The following MPHOSPH9 variants were observed in gnomAD, a reference collection of about 807,000 sequenced individuals.
The protein encoded by MPHOSPH9 is M-phase phosphoprotein 9.
MPHOSPH9 carries 88 observed loss-of-function variants against 145.5 expected under a neutral mutation model. That is an observed-to-expected ratio of 0.60 (90% CI 0.51 to 0.72). MPHOSPH9 has a LOEUF of 0.72. MPHOSPH9 is among the 30% of genes least tolerant of loss of function. MPHOSPH9 has a pLI of 0.00. For synonymous variants in MPHOSPH9, 435 were observed against 486.2 expected, an observed-to-expected ratio of 0.89 and a Z score of 1.39; for missense variants, 1,238 against 1,386.6, an observed-to-expected ratio of 0.89 and a Z score of 1.70.
intron 15 of MPHOSPH9, among the ~76,000 whole-genome samples, chr12:123,178,404 CT>C (rs2044977644): frequency 6.6e-6 from 1 of 152,228 alleles, no homozygotes; most frequent in African/African-American, 2.4e-5. Flanking sequence ...CATTTCTGTT[CT>C]TCTCTATGAG....
At chr12:123,226,337 C>T (rs762376742) in intron 3 of MPHOSPH9, 24 of 1,169,814 alleles carry the variant, frequency 2.1e-5, no homozygotes, top group Middle Eastern at 5.4e-4. Context: ...TCTTTCATTT[C>T]GCTTACTCTA....
chr12:123,219,552 C>CAAAAA (rs778997410), intron 5 of MPHOSPH9, among the ~76,000 whole-genome samples: 1 of 49,932 alleles, frequency 2.0e-5, no homozygotes, highest in Non-Finnish European at 4.2e-5. Flanking sequence ...GACTCTGTCT[C>CAAAAA]AAAAAAAAAA....
intron 12 of MPHOSPH9, 129 bp downstream of exon 12, chr12:123,198,118 T>C: frequency 2.8e-6 from 2 of 711,448 alleles, no homozygotes; most frequent in Non-Finnish European, 4.8e-6. Flanking sequence ...TATAGCATTA[T>C]ATGAAGCCAA....
intron 1 of MPHOSPH9, among the ~76,000 whole-genome samples, chr12:123,232,570 G>C (rs927885832): frequency 6.6e-6 from 1 of 152,104 alleles, no homozygotes; most frequent in Non-Finnish European, 1.5e-5. Flanking sequence ...TGGGGGAGAG[G>C]AAGAGATTTC....
intron 1 of MPHOSPH9, among the ~76,000 whole-genome samples, chr12:123,242,662 G>A (rs2047959514): frequency 6.6e-6 from 1 of 152,210 alleles, no homozygotes; most frequent in Admixed American, 6.5e-5. Context: ...AACTCCAGCT[G>A]GGTGGGAGAC....
chr12:123,194,336 A>C (rs748639004), intron 13 of MPHOSPH9, 50 bp downstream of exon 13: 3 of 1,099,038 alleles, frequency 2.7e-6, no homozygotes, highest in Non-Finnish European at 3.9e-6. Context: ...ATAATACCTA[A>C]ATTACTTTTA....
chr12:123,232,320 G>A (rs186458431), intron 1 of MPHOSPH9, among the ~76,000 whole-genome samples: 1 of 152,002 alleles, frequency 6.6e-6, no homozygotes, highest in African/African-American at 2.4e-5. Flanking sequence ...GAGGTGCTGG[G>A]GGGAGGGCAG....
intron 23 of MPHOSPH9, among the ~76,000 whole-genome samples, chr12:123,157,398 A>T (rs2043915425): frequency 6.6e-6 from 1 of 151,108 alleles, no homozygotes; most frequent in Non-Finnish European, 1.5e-5. Flanking sequence ...AAAAAAATAG[A>T]TTTCACAATG....
Position 123,194,481 on chromosome 12 carries a change from T to C in MPHOSPH9, c.2146A>G (p.Arg716Gly). ...KDNTIIRLKS[R>G]LQDLEEAFEN... ...AATGCTTCTTCTAAATCTTGCAGTC[T>C]AGATTTTAGTCGAATGATGGTATTG... The change falls in exon 13 of 24, where the codon AGA (arginine) becomes GGA (glycine). Residue 716 changes from arginine (R) to glycine (G), a missense_variant. Arg to Gly is a moderately radical substitution (Grantham distance 125, BLOSUM62 -2). Transcript: ENST00000606320. 1 of 1,611,072 alleles carries C rather than the reference T, an allele frequency of 6.2e-7. No homozygotes were observed.
Position 123,223,091 on chromosome 12 carries a change from GT to G in MPHOSPH9, c.294del (p.Lys98AsnfsTer7). On this transcript the variant is annotated frameshift_variant, in exon 4 of 24. Coordinates refer to ENST00000606320, the MANE Select transcript of MPHOSPH9 (RefSeq NM_022782.4). LOFTEE classifies it high-confidence loss of function. ...RWLQLFNLVEKQCQEQIVAQQ... is the reference protein window; with the variant it reads ...RWLQLFNLVEXQCQEQIVAQQ... ...TGGGCAACTATCTGTTCTTGGCATT[GT>G]TTTTCCACCAAATTGAATAGCTGTA... 1.3e-6 allele frequency: 2 copies of G among 1,483,234 alleles called. No individual in the cohort carries two copies. Among genetic ancestry groups the G allele is most frequent in the Non-Finnish European group, 1.8e-6 (2 of 1,125,710 alleles). 91.9% of individuals were successfully genotyped at this position (1,483,234 alleles called of 1,614,324 possible).
Position 123,161,203 on chromosome 12 carries a change from G to T in MPHOSPH9, c.3314C>A (p.Thr1105Lys). ...TTCAGCTAGGGTCCGAATTTTTGCT[G>T]TATATTCAAAATCATTCCCCTGTGG... ...VTPQGNDFEY[T>K]AKIRTLAETE... Residue 1105 changes from threonine to lysine, a missense_variant, in exon 22 of 24, where the codon ACA (threonine) becomes AAA (lysine). Thr to Lys is a moderately conservative substitution (Grantham distance 78). Coordinates refer to ENST00000606320, the MANE Select transcript of MPHOSPH9 (RefSeq NM_022782.4). 6.2e-7 allele frequency: 1 copy of T among 1,614,110 alleles called. No homozygotes were observed. Among genetic ancestry groups the T allele is most frequent in the South Asian group, 1.1e-5 (1 of 91,070 alleles).
intron 22 of MPHOSPH9, 136 bp from the exon 23 acceptor site, chr12:123,160,985 G>C (rs757639162): frequency 3.8e-6 from 5 of 1,322,270 alleles, no homozygotes; most frequent in Non-Finnish European, 5.2e-6. Context: ...AATTAGTAAC[G>C]ACCACATGGC....
chr12:123,204,430 T>C (rs1015075983), intron 8 of MPHOSPH9, among the ~76,000 whole-genome samples: 5 of 152,142 alleles, frequency 3.3e-5, no homozygotes, highest in African/African-American at 1.2e-4. Flanking sequence ...ATCTATGTAG[T>C]TACAATCATG....
intron 5 of MPHOSPH9, among the ~76,000 whole-genome samples, chr12:123,219,092 C>T (rs2047091238): frequency 6.6e-6 from 1 of 151,460 alleles, no homozygotes; most frequent in African/African-American, 2.4e-5. Flanking sequence ...TTTTGTAGAG[C>T]CAGGGTCTTG....
intron 11 of MPHOSPH9, among the ~76,000 whole-genome samples, chr12:123,199,747 A>G (rs2046133276): frequency 1.3e-5 from 2 of 151,318 alleles, no homozygotes; most frequent in Admixed American, 1.3e-4. Flanking sequence ...GAGCCGAGAC[A>G]GCACCACTGT....
chr12:123,235,861 C>T (rs1247576091), upstream of MPHOSPH9, among the ~76,000 whole-genome samples: 2 of 151,604 alleles, frequency 1.3e-5, no homozygotes, highest in Admixed American at 6.6e-5. Context: ...GTCAGGAGTT[C>T]GAGACCAGCC....
At chr12:123,170,125 G>A (rs551828484) in intron 16 of MPHOSPH9, among the ~76,000 whole-genome samples, 119 of 150,406 alleles carry the variant, frequency 7.9e-4, no homozygotes, top group Admixed American at 7.3e-3. Flanking sequence ...CTACAGGCGC[G>A]TACCACCAAC....
upstream of MPHOSPH9, among the ~76,000 whole-genome samples, chr12:123,236,224 ATAGG>A (rs2047848026): frequency 6.6e-6 from 1 of 152,222 alleles, no homozygotes; most frequent in African/African-American, 2.4e-5. Context: ...GGTTTCCAAG[ATAGG>A]TCTTACTGAG....
Position 123,163,957 on chromosome 12 carries a change from A to G in MPHOSPH9, c.2901T>C (p.Ser967=). ...SSLPPSNRKS[S]TPTKREIMLT... ...TACACATCTAACTCTTACTTGGAGTACTTGATTTACGATTTGAAGGTGGTA... is the reference window on the plus strand; with the variant it reads ...TACACATCTAACTCTTACTTGGAGTGCTTGATTTACGATTTGAAGGTGGTA... The change falls in exon 19 of 24, where the codon AGT becomes AGC. Residue 967 remains serine, a synonymous_variant. Transcript: ENST00000606320. The G allele has an allele frequency of 6.2e-7, 1 of 1,614,076 alleles. No homozygotes were observed. Among genetic ancestry groups the G allele is most frequent in the Non-Finnish European group, 8.5e-7 (1 of 1,179,986 alleles).
Sources: allele counts gnomAD v4.1 joint callset (sites outside exome capture counted in the v4.1 genomes callset), GRCh38; gene constraint gnomAD v4.1.1; transcripts MANE v1.5; gene names NCBI Gene and HGNC (gene_info 2026-07-23, HGNC 2026-07-21).